Variants in ERMP1 observed in about 807,000 individuals in gnomAD.
ERMP1 encodes endoplasmic reticulum metallopeptidase 1.
ERMP1 carries 86 observed loss-of-function variants against 92.0 expected under a neutral mutation model. The ratio of observed to expected loss-of-function variants is 0.93; its 90% confidence interval spans 0.79 to 1.12. The LOEUF is 1.12. Ranked by LOEUF, ERMP1 falls within the 50% of genes most tolerant of loss-of-function variation. ERMP1 has a pLI of 0.00. For missense variants in ERMP1, 1,342 were observed against 1,116.3 expected (o/e 1.20, Z -2.88); for synonymous variants, 530 against 412.8 (o/e 1.28, Z -3.44).
chr9:5,850,920 A>T (rs1830301146), intron 6 of ERMP1, among the ~76,000 whole-genome samples: 1 of 152,186 alleles, frequency 6.6e-6, no homozygotes, highest in Non-Finnish European at 1.5e-5. Flanking sequence ...ATGAGGAACA[A>T]GGTTGCATCC....
chr9:5,825,649 T>G (rs969608785), intron 2 of ERMP1, among the ~76,000 whole-genome samples: 1 of 152,206 alleles, frequency 6.6e-6, no homozygotes, highest in Non-Finnish European at 1.5e-5. Flanking sequence ...ACTCCTTTCT[T>G]GCTTGTTTTC....
chr9:5,787,120 T>TGTA lies in ERMP1; in HGVS notation c.*21_*23dup, dbSNP rs1432319985. ...TGTCACATGGAGTATCCACTGGGCA[T>TGTA]GTACTTAGAGCTCATCCACAAGATT... is the stretch of plus-strand genomic sequence containing the variant. On this transcript the variant is annotated 3_prime_UTR_variant, in exon 15 of 15. Transcript: ENST00000339450. 2 of 1,602,002 alleles carry TGTA rather than the reference T, an allele frequency of 1.2e-6. No homozygotes were observed. Among genetic ancestry groups the TGTA allele is most frequent in the African/African-American group, 1.3e-5 (1 of 74,688 alleles).
chr9:5,843,637 C>G (rs1830195881), intron 6 of ERMP1, among the ~76,000 whole-genome samples: 1 of 152,176 alleles, frequency 6.6e-6, no homozygotes, highest in Non-Finnish European at 1.5e-5. Context: ...GTCAAATGCC[C>G]CCCTCCCCGC....
At chr9:5,819,195 C>T (rs949312516) in intron 4 of ERMP1, among the ~76,000 whole-genome samples, 3 of 151,868 alleles carry the variant, frequency 2.0e-5, no homozygotes, top group African/African-American at 7.3e-5. Context: ...AATGGATAAA[C>T]GAAACATAAT....
In ERMP1 at chr9:5,798,963, G is replaced by C. The variant is rs746484200; in HGVS notation, c.2113C>G (p.Arg705Gly). 6.2e-7 allele frequency: 1 copy of C among 1,613,524 alleles called. No homozygotes were observed. The highest frequency in any genetic ancestry group is 8.5e-7 in the Non-Finnish European group (1 of 1,179,672). Reference protein sequence around the residue: ...FHDLEGNAVKRDSGIWINGFD... With the variant: ...FHDLEGNAVKGDSGIWINGFD... Reference sequence around the variant, plus strand: ...CCATTGATCCATATTCCAGAGTCCCGTTTAACTGCATTTCCTTCCAAGTCA... The same window carrying C: ...CCATTGATCCATATTCCAGAGTCCCCTTTAACTGCATTTCCTTCCAAGTCA... The change falls in exon 12 of 15, where the codon CGG (arginine) becomes GGG (glycine). Residue 705 changes from arginine (R) to glycine (G), a missense_variant. Coordinates refer to ENST00000339450, the MANE Select transcript of ERMP1 (RefSeq NM_024896.3).
At chr9:5,848,697 C>G (rs1475225699) in intron 6 of ERMP1, among the ~76,000 whole-genome samples, 1 of 12,988 alleles carries the variant, frequency 7.7e-5, no homozygotes, top group Non-Finnish European at 2.3e-3. Flanking sequence ...TCTACCTCCA[C>G]CCTGAAAAAT....
chr9:5,786,885 G>T lies in ERMP1; in HGVS notation c.*259C>A, dbSNP rs1339800369. 3.4e-6 allele frequency: 1 copy of T among 296,490 alleles called. No individual in the cohort carries two copies. The highest frequency in any genetic ancestry group is 6.5e-5 in the East Asian group (1 of 15,392). 18.4% of individuals were successfully genotyped at this position (296,490 alleles called of 1,614,324 possible). ...CTTTGTCCTTAAGGTCATATAAAAT[G>T]ACGTGTGTGTAGTGGCAGTACCCAC... On this transcript the variant is annotated 3_prime_UTR_variant, in exon 15 of 15. Coordinates refer to ENST00000339450, the MANE Select transcript of ERMP1 (RefSeq NM_024896.3).
chr9:5,817,652 T>C (rs978133340), intron 4 of ERMP1, among the ~76,000 whole-genome samples: 7 of 152,218 alleles, frequency 4.6e-5, no homozygotes, highest in Non-Finnish European at 8.8e-5. Flanking sequence ...TGTGTGTTCA[T>C]TTCTCAAGAA....
chr9:5,839,740 C>G (rs781378631), intron 6 of ERMP1, among the ~76,000 whole-genome samples: 27 of 152,116 alleles, frequency 1.8e-4, no homozygotes, highest in Non-Finnish European at 3.8e-4. Context: ...TTCTTCAGGT[C>G]TTTACTGGCC....
Position 5,787,587 on chromosome 9 carries a change from C to A in ERMP1, c.2393G>T (p.Ser798Ile). ...IKLTFEATGP[S>I]HMSFYVRAHK... ...GGCTCGAACATAGAAGGACATATGG[C>A]TTGGTCCTGTAAGGTAAAAGGAAGA... The change falls in exon 14 of 15, where the codon AGC (serine) becomes ATC (isoleucine). Residue 798 changes from serine (S) to isoleucine (I), a missense_variant. Transcript: ENST00000339450. 6.2e-7 allele frequency: 1 copy of A among 1,610,388 alleles called. No homozygotes were observed. The highest frequency in any genetic ancestry group is 8.5e-7 in the Non-Finnish European group (1 of 1,178,894).
intron 10 of ERMP1, among the ~76,000 whole-genome samples, 199 bp from the exon 11 acceptor site, chr9:5,801,527 A>G (rs1457487455): frequency 8.5e-5 from 13 of 152,234 alleles, no homozygotes; most frequent in Admixed American, 6.5e-5. Flanking sequence ...AACCTAGAAA[A>G]TGACAGATGC....
At chr9:5,803,054 C>G (rs1435188078) in intron 10 of ERMP1, among the ~76,000 whole-genome samples, 2 of 152,022 alleles carry the variant, frequency 1.3e-5, no homozygotes, top group African/African-American at 4.8e-5. Flanking sequence ...AACAAACAAA[C>G]AAACAAAAAA....
At chr9:5,832,424 G>C in intron 1 of ERMP1, 1 of 427,590 alleles carries the variant, frequency 2.3e-6, no homozygotes, top group Non-Finnish European at 4.1e-6. Flanking sequence ...CTGCACGAAG[G>C]GCAGACAGTG....
chr9:5,824,039 A>G (rs776798584), intron 3 of ERMP1, 38 bp from the exon 4 acceptor site: 2 of 1,519,286 alleles, frequency 1.3e-6, no homozygotes, highest in Non-Finnish European at 9.1e-7. Context: ...TTTGTTAAAC[A>G]ATCTTAAATT....
upstream of ERMP1, among the ~76,000 whole-genome samples, chr9:5,834,703 ATGTGTGTGTGTGTGTG>A (rs766269385): frequency 5.1e-4 from 63 of 122,992 alleles, no homozygotes; most frequent in African/African-American, 1.1e-3. Flanking sequence ...GTATGTATAT[ATGTGTGTGTGTGTGTG>A]TGTGTGTGTG....
rs116682593 is a variant in ERMP1 at position 5,832,575 on chromosome 9, G to A, written c.338+115C>T. 2,083 of 828,208 alleles carry A rather than the reference G, an allele frequency of 2.5e-3. 27 individuals are homozygous for A. In the African/African-American group the frequency reaches 0.031, roughly 12 times the overall value. 51.3% of individuals were successfully genotyped at this position (828,208 alleles called of 1,614,324 possible). On this transcript the variant is annotated intron_variant, in intron 1 of 14. Transcript: ENST00000339450. ...CCACCCCACGTGCAGCCTGGGAGGG[G>A]TCAGCGAGTCCCAGCGGTCCGGCAG...
chr9:5,810,073 C>T lies in ERMP1; in HGVS notation c.1486G>A (p.Gly496Arg). The T allele has an allele frequency of 6.2e-7, 1 of 1,613,956 alleles. No individual in the cohort carries two copies. The highest frequency in any genetic ancestry group is 1.1e-5 in the South Asian group (1 of 91,072). Residue 496 changes from glycine (G) to arginine (R), a missense_variant, in exon 8 of 15, where the codon GGA (glycine) becomes AGA (arginine). Physicochemically the swap from Gly to Arg is moderately radical, Grantham distance 125. Transcript: ENST00000339450. ...ATTATTTTGGCTACAGTTGCAGTTC[C>T]ATACAGACAAACGGAGACATAGAAG... ...NHFYVSVCLY[G>R]TATVAKIILI...
intron 5 of ERMP1, among the ~76,000 whole-genome samples, chr9:5,861,199 G>GTGTGTGTGTGTGTA (rs1554630232): frequency 1.4e-3 from 202 of 146,650 alleles, no homozygotes; most frequent in African/African-American, 5.1e-3. Context: ...GTGTGTGTGT[G>GTGTGTGTGTGTGTA]TGTGTGTGTG....
At position 5,785,443 on chromosome 9, in the gene ERMP1, CTT is replaced by C. The variant is rs1470400718; in HGVS notation, c.*1699_*1700del. 3.9e-5 allele frequency: 6 copies of C among 152,214 alleles called. No homozygotes were observed. Among genetic ancestry groups the C allele is most frequent in the Non-Finnish European group, 8.8e-5 (6 of 68,050 alleles). The allele number at this position is 152,214 out of a possible 1,614,324, so 9.4% of individuals were successfully genotyped here. ...AGATAAAAGTAGCAGGAGCCAGACTCTTGAAGCACTTGAGACTGATTTCTACA... is the reference window on the plus strand; with the variant it reads ...AGATAAAAGTAGCAGGAGCCAGACTCGAAGCACTTGAGACTGATTTCTACA... On this transcript the variant is annotated 3_prime_UTR_variant, in exon 15 of 15. Transcript: ENST00000339450.
Sources: allele counts gnomAD v4.1 joint callset (sites outside exome capture counted in the v4.1 genomes callset), GRCh38; gene constraint gnomAD v4.1.1; transcripts MANE v1.5; gene names NCBI Gene and HGNC (gene_info 2026-07-23, HGNC 2026-07-21).